Variants in XPO7 observed in about 807,000 individuals in gnomAD.
The protein encoded by XPO7 is exportin 7.
In XPO7, 21 loss-of-function variants were observed where a neutral mutation model predicts 144.3. That is an observed-to-expected ratio of 0.15 (90% CI 0.10 to 0.21). The LOEUF (loss-of-function observed/expected upper bound fraction) is 0.21, where lower values mean the gene tolerates loss of function less well. Among genes scored for constraint, XPO7 ranks in the 10% least tolerant of loss-of-function variants. The pLI, the probability that XPO7 is intolerant of heterozygous loss-of-function variation, is 1.00. For missense variants in XPO7, 808 were observed against 1,325.8 expected, an observed-to-expected ratio of 0.61 and a Z score of 6.06; for synonymous variants, 580 against 499.6, an observed-to-expected ratio of 1.16 and a Z score of -2.15.
Position 21,976,428 on chromosome 8 carries a change from C to A in XPO7, c.670C>A (p.His224Asn). The A allele has an allele frequency of 1.2e-6, 2 of 1,614,002 alleles. No individual in the cohort carries two copies. Among genetic ancestry groups the A allele is most frequent in the Non-Finnish European group, 1.7e-6 (2 of 1,179,890 alleles). ...GCTCATGCAACTGCTCAAGCTCACTCATAACTGCCTCAACTTTGACTTCAT... is the reference window on the plus strand; with the variant it reads ...GCTCATGCAACTGCTCAAGCTCACTAATAACTGCCTCAACTTTGACTTCAT... Reference protein sequence around the residue: ...GLLMQLLKLTHNCLNFDFIGT... With the variant: ...GLLMQLLKLTNNCLNFDFIGT... Residue 224 changes from histidine (H) to asparagine (N), a missense_variant, in exon 7 of 28, where the codon CAT (histidine) becomes AAT (asparagine). This residue lies in a region of XPO7 where 223 missense variants were observed against 368.8 expected (regional missense o/e 0.60). Coordinates refer to ENST00000252512, the MANE Select transcript of XPO7 (RefSeq NM_015024.5).
chr8:21,972,421 G>T, intron 5 of XPO7, among the ~76,000 whole-genome samples: 1 of 152,074 alleles, frequency 6.6e-6, no homozygotes, highest in Non-Finnish European at 1.5e-5. Context: ...AGGTTGCAGC[G>T]AGCCAAGATC....
intron 12 of XPO7, 76 bp from the exon 13 acceptor site, chr8:21,985,510 T>C: frequency 3.0e-6 from 4 of 1,329,044 alleles, no homozygotes; most frequent in Non-Finnish European, 4.3e-6. Context: ...GTTCTTAAGA[T>C]TAAGGAAGTT....
At chr8:21,974,232 G>T (rs1164885545) in intron 5 of XPO7, among the ~76,000 whole-genome samples, 2 of 74,090 alleles carry the variant, frequency 2.7e-5, no homozygotes, top group East Asian at 1.2e-3. Context: ...TAGAGGTGGT[G>T]GGGGGTCTCA....
chr8:21,970,034 G>C, intron 3 of XPO7, 110 bp from the exon 4 acceptor site: 1 of 1,279,116 alleles, frequency 7.8e-7, no homozygotes, highest in East Asian at 2.4e-5. Flanking sequence ...GGGTTAAATA[G>C]TCTAAATTTA....
At chr8:21,927,585 G>T (rs1810501064) in intron 1 of XPO7, among the ~76,000 whole-genome samples, 3 of 125,804 alleles carry the variant, frequency 2.4e-5, no homozygotes, top group Admixed American at 1.9e-4. Context: ...TGCTCTTGTT[G>T]CCCAGGCTGG....
chr8:21,987,345 C>A, intron 14 of XPO7, 69 bp downstream of exon 14: 1 of 1,597,032 alleles, frequency 6.3e-7, no homozygotes, highest in Non-Finnish European at 8.6e-7. Context: ...TGGAGGGAAA[C>A]AGTTGCTGAT....
chr8:21,948,908 A>AG (rs1811276833), intron 1 of XPO7, among the ~76,000 whole-genome samples: 1 of 152,222 alleles, frequency 6.6e-6, no homozygotes, highest in African/African-American at 2.4e-5. Context: ...TCCTTTAAAA[A>AG]GTCACCCTAA....
Position 21,977,859 on chromosome 8 carries a change from C to T in XPO7, c.837+16C>T, listed in dbSNP as rs149204199. ...TTCACCTCTGGTGAGTCAGGACTACCGTTTCTTAAAGCAAACCTATTCATA... is the reference window on the plus strand; with the variant it reads ...TTCACCTCTGGTGAGTCAGGACTACTGTTTCTTAAAGCAAACCTATTCATA... On this transcript the variant is annotated intron_variant, in intron 8 of 27. Transcript: ENST00000252512. 5.8e-4 allele frequency: 929 copies of T among 1,610,544 alleles called. 7 individuals are homozygous for T. The African/African-American group carries it at 0.011, about 19-fold the overall frequency.
chr8:21,942,339 A>G (rs1253656939), intron 1 of XPO7, among the ~76,000 whole-genome samples: 1 of 152,206 alleles, frequency 6.6e-6, no homozygotes, highest in Non-Finnish European at 1.5e-5. Context: ...AGAAATTAAA[A>G]CAATTTTTAG....
chr8:21,919,739 G>GGGGGGCCGGAGA lies in XPO7; in HGVS notation c.-29_-18dup, dbSNP rs1367933532. On this transcript the variant is annotated 5_prime_UTR_variant, in exon 1 of 28. Coordinates refer to ENST00000252512, the MANE Select transcript of XPO7 (RefSeq NM_015024.5). Reference sequence around the variant, plus strand: ...GGCCGAGGTGCGCGCTGGGGGGGAGGGGGGGCCGGAGAGGAGCATGAATGG... The same window carrying GGGGGGCCGGAGA: ...GGCCGAGGTGCGCGCTGGGGGGGAGGGGGGGCCGGAGAGGGGGCCGGAGAGGAGCATGAATGG... 4.8e-6 allele frequency: 2 copies of GGGGGGCCGGAGA among 413,020 alleles called. No homozygotes were observed. Among genetic ancestry groups the GGGGGGCCGGAGA allele is most frequent in the Non-Finnish European group, 7.1e-6 (2 of 283,336 alleles). 25.6% of individuals were successfully genotyped at this position (413,020 alleles called of 1,614,324 possible). A position where few individuals can be genotyped will look rare whatever the true frequency, so the allele number is the denominator to read the frequency against.
chr8:21,943,160 T>C (rs1811050005), intron 1 of XPO7, among the ~76,000 whole-genome samples: 1 of 152,228 alleles, frequency 6.6e-6, no homozygotes, highest in African/African-American at 2.4e-5. Context: ...TTTGGGAACC[T>C]ATGAACTGGA....
chr8:21,942,771 AT>A (rs1424580105), intron 1 of XPO7, among the ~76,000 whole-genome samples: 2 of 152,224 alleles, frequency 1.3e-5, no homozygotes, highest in African/African-American at 4.8e-5. Flanking sequence ...GTATTTATTT[AT>A]GCTTCCCATA....
At chr8:21,960,647 G>A (rs1159340327) in intron 1 of XPO7, among the ~76,000 whole-genome samples, 2 of 152,200 alleles carry the variant, frequency 1.3e-5, no homozygotes, top group African/African-American at 4.8e-5. Context: ...GCCAGGCTCT[G>A]GCATAGCATT....
intron 19 of XPO7, among the ~76,000 whole-genome samples, chr8:21,993,758 A>G (rs1271069661): frequency 1.3e-5 from 2 of 152,090 alleles, no homozygotes; most frequent in Non-Finnish European, 2.9e-5. Context: ...CCACCCAAAG[A>G]GAGAGGTGCT....
At chr8:21,984,543 A>C in intron 11 of XPO7, 103 bp from the exon 12 acceptor site, 1 of 1,080,320 alleles carries the variant, frequency 9.3e-7, no homozygotes, top group Non-Finnish European at 1.3e-6. Flanking sequence ...AGACCTCTAC[A>C]GTCAGAAATG....
chr8:21,976,430 T>C lies in XPO7; in HGVS notation c.672T>C (p.His224=), dbSNP rs959470132. The C allele has an allele frequency of 6.8e-6, 11 of 1,613,886 alleles. No individual in the cohort carries two copies. The Admixed American group carries it at 1.2e-4, about 17-fold the overall frequency. The change falls in exon 7 of 28, where the codon CAT becomes CAC. Residue 224 remains histidine, a synonymous_variant. Coordinates refer to ENST00000252512, the MANE Select transcript of XPO7 (RefSeq NM_015024.5). Reference sequence around the variant, plus strand: ...TCATGCAACTGCTCAAGCTCACTCATAACTGCCTCAACTTTGACTTCATCG... The same window carrying C: ...TCATGCAACTGCTCAAGCTCACTCACAACTGCCTCAACTTTGACTTCATCG... The part of the protein sequence containing the change: ...GLLMQLLKLT[H]NCLNFDFIGT...
intron 16 of XPO7, 110 bp downstream of exon 16, chr8:21,989,193 C>A: frequency 7.2e-6 from 7 of 974,436 alleles, no homozygotes; most frequent in Non-Finnish European, 7.5e-6. Flanking sequence ...TGTGTACTCA[C>A]ATATCTTCCA....
chr8:21,934,897 C>CA (rs1483954897), intron 1 of XPO7, among the ~76,000 whole-genome samples: 6 of 152,202 alleles, frequency 3.9e-5, no homozygotes, highest in Non-Finnish European at 5.9e-5. Flanking sequence ...TGCAGGGACT[C>CA]ACGCAAGGTG....
chr8:21,982,546 AAAAG>A, intron 10 of XPO7, 90 bp from the exon 11 acceptor site: 4 of 1,426,868 alleles, frequency 2.8e-6, no homozygotes, highest in Non-Finnish European at 3.7e-6. Context: ...TTTTTTAAAA[AAAAG>A]AAAAAAGTCT....
Sources: allele counts gnomAD v4.1 joint callset (sites outside exome capture counted in the v4.1 genomes callset), GRCh38; gene constraint gnomAD v4.1.1; regional missense constraint gnomAD v4.1.1; transcripts MANE v1.5; gene names NCBI Gene and HGNC (gene_info 2026-07-23, HGNC 2026-07-21).